The following KANSL1 variants were observed in gnomAD, a reference collection of about 807,000 sequenced individuals.
KANSL1 encodes KAT8 regulatory NSL complex subunit 1, also known as MLL1/MLL complex subunit KANSL1.
A neutral mutation model predicts 103.6 loss-of-function variants in KANSL1; 22 were observed. The observed-to-expected ratio is 0.21, with a 90% confidence interval of 0.15 to 0.30. The LOEUF is 0.30. KANSL1 is among the 10% of genes least tolerant of loss of function. The pLI is 1.00. For synonymous variants in KANSL1, 600 were observed against 527.6 expected, an observed-to-expected ratio of 1.14 and a Z score of -1.88; for missense variants, 1,337 against 1,399.8, an observed-to-expected ratio of 0.96 and a Z score of 0.72.
chr17:46,170,049 C>T (rs2240759), intron 2 of KANSL1, among the ~76,000 whole-genome samples: 21,489 of 151,610 alleles, frequency 0.14, 1,750 homozygotes, highest in East Asian at 0.46. Flanking sequence ...GGCTGAGGCC[C>T]GAGAATCACC....
chr17:46,125,408 G>A (rs2043507859), intron 2 of KANSL1, among the ~76,000 whole-genome samples: 1 of 152,154 alleles, frequency 6.6e-6, no homozygotes, highest in Non-Finnish European at 1.5e-5. Flanking sequence ...TCTCACTTTA[G>A]TGTGATATTC....
At chr17:46,115,909 C>T (rs2043025821) in intron 2 of KANSL1, among the ~76,000 whole-genome samples, 1 of 152,234 alleles carries the variant, frequency 6.6e-6, no homozygotes, top group African/African-American at 2.4e-5. Flanking sequence ...GTTATCACCA[C>T]AGTAGTTACC....
chr17:46,178,896 C>G (rs558681630), intron 1 of KANSL1, among the ~76,000 whole-genome samples: 12 of 152,290 alleles, frequency 7.9e-5, no homozygotes, highest in African/African-American at 2.9e-4. Flanking sequence ...GGGTCCCTTC[C>G]TATGTTAATT....
intron 10 of KANSL1, chr17:46,035,335 T>C (rs2077117190): frequency 1.3e-5 from 2 of 152,242 alleles, no homozygotes; most frequent in African/African-American, 2.4e-5. Flanking sequence ...AAGTCCCCTA[T>C]AACTAACCCC....
chr17:46,116,824 C>A (rs930886790), intron 2 of KANSL1, among the ~76,000 whole-genome samples: 3 of 152,142 alleles, frequency 2.0e-5, no homozygotes, highest in Non-Finnish European at 2.9e-5. Flanking sequence ...CCTTTCACAG[C>A]TTGTTGGCAG....
At chr17:46,058,403 T>C (rs941003257) in intron 6 of KANSL1, among the ~76,000 whole-genome samples, 4 of 152,214 alleles carry the variant, frequency 2.6e-5, no homozygotes, top group Non-Finnish European at 5.9e-5. Context: ...ACTCCTCACC[T>C]GACCTAACAA....
At chr17:46,208,138 C>G (rs1328781250) in intron 1 of KANSL1, among the ~76,000 whole-genome samples, 1 of 151,636 alleles carries the variant, frequency 6.6e-6, no homozygotes, top group Non-Finnish European at 1.5e-5. Context: ...AAAGATAAAA[C>G]AAAAATCTTG....
In KANSL1 at chr17:46,094,961, T is replaced by A. The variant is rs17576695; in HGVS notation, c.1290-260A>T. The stretch of plus-strand genomic sequence containing the variant: ...TGGCACACAGTTTCTCTGAAATCCC[T>A]TTAATTTCTCTGGGACAATAAAATT... On this transcript the variant is annotated intron_variant, in intron 2 of 14. Transcript: ENST00000432791. Among the ~76,000 whole-genome samples, 21,659 of 152,014 alleles carry A rather than the reference T, an allele frequency of 0.14. 2,119 individuals carry two copies. Among genetic ancestry groups the A allele is most frequent in the Non-Finnish European group, 0.22 (14,646 of 67,816 alleles).
chr17:46,137,792 A>G (rs1170038841), intron 2 of KANSL1, among the ~76,000 whole-genome samples: 2 of 151,402 alleles, frequency 1.3e-5, no homozygotes, highest in Non-Finnish European at 2.9e-5. Context: ...GCGTGAACCC[A>G]GGAGGTGGAG....
rs1219992670 is a variant in KANSL1, at chr17:46,099,146, A to G, written c.1290-4445T>C. 4.0e-5 allele frequency among the ~76,000 whole-genome samples: 5 copies of G among 126,404 alleles called. No individual in the cohort carries two copies. In the East Asian group the frequency reaches 9.7e-4, roughly 25 times the overall value. The allele number at this position is 126,404 out of a possible 152,430, so 82.9% of individuals were successfully genotyped here. A position where few individuals can be genotyped will look rare whatever the true frequency, so the allele number is the denominator to read the frequency against. On this transcript the variant is annotated intron_variant, in intron 2 of 14. Transcript: ENST00000432791. ...AGACCATCCTGGCTAACACGGTGAAACCCCGTCTCTACTAAAAATACAAAA... is the reference window on the plus strand; with the variant it reads ...AGACCATCCTGGCTAACACGGTGAAGCCCCGTCTCTACTAAAAATACAAAA...
intron 1 of KANSL1, among the ~76,000 whole-genome samples, chr17:46,191,136 TAGG>T (rs2047299218): frequency 6.6e-6 from 1 of 152,188 alleles, no homozygotes; most frequent in African/African-American, 2.4e-5. Context: ...TTTTATAAAA[TAGG>T]AGTTTACCCA....
chr17:46,067,812 AAAT>A (rs774601771), intron 4 of KANSL1, 145 bp from the exon 5 acceptor site: 9 of 593,554 alleles, frequency 1.5e-5, no homozygotes, highest in Non-Finnish European at 2.7e-5. Context: ...AAGAAAAAGA[AAAT>A]AAGAGAATCA....
At chr17:46,104,970 C>A (rs62061816) in intron 2 of KANSL1, among the ~76,000 whole-genome samples, 21,638 of 151,874 alleles carry the variant, frequency 0.14, 2,122 homozygotes, top group Non-Finnish European at 0.22. Flanking sequence ...TGCCCGTCAC[C>A]ACGCCTCGCT....
chr17:46,034,038 G>T, intron 11 of KANSL1, 123 bp downstream of exon 11: 1 of 1,230,572 alleles, frequency 8.1e-7, no homozygotes, highest in Non-Finnish European at 1.1e-6. Context: ...TATCAGATAA[G>T]AATTTCTCTT....
intron 3 of KANSL1, among the ~76,000 whole-genome samples, chr17:46,087,563 G>A (rs1383798253): frequency 2.0e-5 from 3 of 152,226 alleles, no homozygotes; most frequent in South Asian, 2.1e-4. Flanking sequence ...GCCTTGAACA[G>A]ACAAAGAGAC....
At chr17:46,131,451 C>G in intron 2 of KANSL1, among the ~76,000 whole-genome samples, 1 of 152,336 alleles carries the variant, frequency 6.6e-6, no homozygotes, top group South Asian at 2.1e-4. Context: ...GCAAAAGCTG[C>G]AAACTGGTAA....
chr17:46,039,659 G>A, intron 8 of KANSL1, 43 bp downstream of exon 8: 1 of 1,575,842 alleles, frequency 6.3e-7, no homozygotes, highest in Non-Finnish European at 8.6e-7. Context: ...GGAATGAAAA[G>A]TCACTGATAC....
rs184358591 is a variant in KANSL1, at chr17:46,167,657, T to C, written c.1289+3198A>G. 4.7e-3 allele frequency among the ~76,000 whole-genome samples: 714 copies of C among 152,320 alleles called. 4 individuals are homozygous for C. The highest frequency in any genetic ancestry group is 7.1e-3 in the Non-Finnish European group (486 of 68,018). On this transcript the variant is annotated intron_variant, in intron 2 of 14. Transcript: ENST00000432791. Reference sequence around the variant, plus strand: ...AGGGTAAGAGTTTTTAAACCAGACATAAAATCAGTCAACCATAAAAATTAA... The same window carrying C: ...AGGGTAAGAGTTTTTAAACCAGACACAAAATCAGTCAACCATAAAAATTAA...
At chr17:46,191,146 C>T (rs1377911451) in intron 1 of KANSL1, among the ~76,000 whole-genome samples, 1 of 152,022 alleles carries the variant, frequency 6.6e-6, no homozygotes, top group East Asian at 1.9e-4. Context: ...TAGGAGTTTA[C>T]CCAATTATGG....
Sources: gnomAD v4.1 joint callset for allele counts (sites outside exome capture counted in the v4.1 genomes callset) on GRCh38, gnomAD v4.1.1 for gene constraint, MANE v1.5 for transcripts, NCBI Gene and HGNC (gene_info 2026-07-23, HGNC 2026-07-21) for gene names.